Variants in CEP112 observed in about 807,000 individuals in gnomAD.
The protein encoded by CEP112 is centrosomal protein of 112 kDa.
Under a neutral mutation model 153.0 loss-of-function variants are expected in CEP112, and 127 were observed. The observed-to-expected ratio is 0.83, with a 90% CI of 0.72 to 0.96. The LOEUF (loss-of-function observed/expected upper bound fraction) is 0.96. CEP112 is among the 40% of genes least tolerant of loss of function. The probability of loss-of-function intolerance (pLI) is 0.00; values close to 1 mark genes in which losing one functional copy is unlikely to be tolerated. For synonymous variants in CEP112, 358 were observed against 374.4 expected, an observed-to-expected ratio of 0.96 and a Z score of 0.51; for missense variants, 1,089 against 1,101.2, an observed-to-expected ratio of 0.99 and a Z score of 0.16.
intron 17 of CEP112, among the ~76,000 whole-genome samples, chr17:66,002,796 T>C (rs147287795): frequency 0.015 from 2,333 of 152,232 alleles, 185 homozygotes; most frequent in Admixed American, 0.12. Flanking sequence ...ACAGAAGAAA[T>C]AAACCCTTAT....
At chr17:66,058,499 G>A (rs1217941757) in intron 11 of CEP112, among the ~76,000 whole-genome samples, 2 of 45,740 alleles carry the variant, frequency 4.4e-5, no homozygotes, top group Non-Finnish European at 9.8e-5. Flanking sequence ...TTAGAAAAAA[G>A]ATTCTAAGAT....
chr17:66,049,203 T>C (rs1021525089), intron 12 of CEP112, among the ~76,000 whole-genome samples: 1 of 152,054 alleles, frequency 6.6e-6, no homozygotes, highest in African/African-American at 2.4e-5. Context: ...AACAAGGACC[T>C]AGTCTTCCAG....
At chr17:65,993,937 T>C (rs574043543) in intron 17 of CEP112, among the ~76,000 whole-genome samples, 1 of 151,974 alleles carries the variant, frequency 6.6e-6, no homozygotes, top group African/African-American at 2.4e-5. Context: ...TGCTTTTTGG[T>C]ATGTATGTTA....
At chr17:65,826,938 C>A (rs976140046) in intron 21 of CEP112, among the ~76,000 whole-genome samples, 1 of 152,098 alleles carries the variant, frequency 6.6e-6, no homozygotes, top group Admixed American at 6.5e-5. Flanking sequence ...GAGAGGCAGA[C>A]CAACCCTCAA....
chr17:65,793,737 G>C (rs1440332231), intron 21 of CEP112, among the ~76,000 whole-genome samples: 1 of 152,066 alleles, frequency 6.6e-6, no homozygotes, highest in African/African-American at 2.4e-5. Flanking sequence ...GTACCCTCTA[G>C]GTTTGTTAAT....
intron 22 of CEP112, among the ~76,000 whole-genome samples, chr17:65,743,779 G>T (rs1336807934): frequency 6.7e-6 from 1 of 148,982 alleles, no homozygotes; most frequent in Admixed American, 6.7e-5. Context: ...AATTTTTTTT[G>T]AGATGGAGTT....
intron 16 of CEP112, among the ~76,000 whole-genome samples, chr17:66,008,254 T>G (rs940121845): frequency 2.0e-5 from 3 of 152,212 alleles, no homozygotes; most frequent in African/African-American, 7.2e-5. Context: ...ATTTTTGTGA[T>G]GAGAACATTT....
At chr17:66,068,506 G>GTT in intron 9 of CEP112, among the ~76,000 whole-genome samples, 1 of 152,168 alleles carries the variant, frequency 6.6e-6, no homozygotes, top group Admixed American at 6.5e-5. Flanking sequence ...TATACTAATA[G>GTT]GTAAAACACT....
chr17:66,150,364 A>ATT (rs113687658), intron 4 of CEP112, among the ~76,000 whole-genome samples: 10 of 150,800 alleles, frequency 6.6e-5, no homozygotes, highest in Non-Finnish European at 8.9e-5. Context: ...TGCCCAGCTA[A>ATT]TTTTTTTTTG....
In CEP112 at chr17:65,738,260, G is replaced by A. The variant is rs537579134; in HGVS notation, c.2607+4808C>T. Among the ~76,000 whole-genome samples, 8 of 152,228 alleles carry A rather than the reference G, an allele frequency of 5.3e-5. No homozygotes were observed. In the East Asian group the frequency reaches 1.5e-3, roughly 29 times the overall value. On this transcript the variant is annotated intron_variant, in intron 23 of 26. Coordinates refer to ENST00000535342, the MANE Select transcript of CEP112 (RefSeq NM_001199165.4). ...CTATAGGATATGGTTTAAAAATTGT[G>A]AATATCATAAACCCGGACAGTGTGA...
chr17:65,636,926 G>A, intron 26 of CEP112, 198 bp downstream of exon 26: 1 of 551,528 alleles, frequency 1.8e-6, no homozygotes, highest in Non-Finnish European at 3.2e-6. Flanking sequence ...CTCTCATCTT[G>A]TTTTGATAGT....
chr17:65,782,019 A>G (rs1431422018), intron 21 of CEP112, among the ~76,000 whole-genome samples: 4 of 152,206 alleles, frequency 2.6e-5, no homozygotes, highest in African/African-American at 9.6e-5. Flanking sequence ...ACCTAATTAA[A>G]CTAAAGATCT....
chr17:65,890,350 T>C (rs1371318231), intron 20 of CEP112, among the ~76,000 whole-genome samples: 1 of 152,214 alleles, frequency 6.6e-6, no homozygotes, highest in Non-Finnish European at 1.5e-5. Context: ...TTAATCATGC[T>C]ACTCTTTCTG....
chr17:65,926,083 C>CA (rs1179273628), intron 19 of CEP112, among the ~76,000 whole-genome samples: 2 of 152,160 alleles, frequency 1.3e-5, no homozygotes, highest in African/African-American at 2.4e-5. Flanking sequence ...GCACTGACGA[C>CA]AAAATCTCAA....
intron 4 of CEP112, among the ~76,000 whole-genome samples, chr17:66,155,600 TCACTGGATCC>T (rs2071405113): frequency 6.6e-6 from 1 of 151,928 alleles, no homozygotes; most frequent in South Asian, 2.1e-4. Flanking sequence ...GTGGTCTAGT[TCACTGGATCC>T]CACCCCCACA....
chr17:66,011,166 T>C (rs12939745), intron 16 of CEP112, among the ~76,000 whole-genome samples: 1 of 151,926 alleles, frequency 6.6e-6, no homozygotes, highest in African/African-American at 2.4e-5. Context: ...GGGATTCAGT[T>C]ACTTCCTGGT....
At chr17:65,737,908 T>C (rs1222102038) in intron 23 of CEP112, among the ~76,000 whole-genome samples, 1 of 152,232 alleles carries the variant, frequency 6.6e-6, no homozygotes, top group Non-Finnish European at 1.5e-5. Flanking sequence ...ATTCAGTCTA[T>C]GTCTGTTGGT....
At chr17:66,154,992 T>G (rs2146711486) in intron 4 of CEP112, among the ~76,000 whole-genome samples, 1 of 152,094 alleles carries the variant, frequency 6.6e-6, no homozygotes, top group East Asian at 1.9e-4. Context: ...TCTCCCTCCC[T>G]CCCTCTCTCT....
chr17:66,116,380 G>C (rs912062726), intron 6 of CEP112, among the ~76,000 whole-genome samples: 2 of 151,856 alleles, frequency 1.3e-5, no homozygotes, highest in African/African-American at 4.8e-5. Flanking sequence ...TAATGCTTTG[G>C]GGGAAATTTT....
Sources: allele counts gnomAD v4.1 joint callset (sites outside exome capture counted in the v4.1 genomes callset), GRCh38; gene constraint gnomAD v4.1.1; transcripts MANE v1.5; gene names NCBI Gene and HGNC (gene_info 2026-07-23, HGNC 2026-07-21).